The following SYNDIG1 variants were observed in gnomAD, a reference collection of about 807,000 sequenced individuals.
SYNDIG1 encodes the protein synapse differentiation-inducing gene protein 1.
A neutral mutation model predicts 19.4 loss-of-function variants in SYNDIG1; 9 were observed. That is an observed-to-expected ratio of 0.46 (90% confidence interval 0.28 to 0.81). SYNDIG1 has a LOEUF of 0.81. SYNDIG1 is among the 30% of genes least tolerant of loss of function. The pLI is 0.12. For synonymous variants in SYNDIG1, 141 were observed against 145.9 expected (o/e 0.97, Z 0.24); for missense variants, 311 against 343.3 (o/e 0.91, Z 0.74).
intron 1 of SYNDIG1, among the ~76,000 whole-genome samples, chr20:24,534,835 G>T (rs2057331045): frequency 6.6e-6 from 1 of 152,160 alleles, no homozygotes; most frequent in East Asian, 1.9e-4. Context: ...GTGTGGTAGG[G>T]GCTGGACACG....
chr20:24,536,077 A>G (rs573387854), intron 1 of SYNDIG1, among the ~76,000 whole-genome samples: 1 of 152,204 alleles, frequency 6.6e-6, no homozygotes, highest in Admixed American at 6.5e-5. Context: ...CATCATCAGA[A>G]CTGCAAGGAT....
At chr20:24,583,846 G>A (rs1332240778) in intron 2 of SYNDIG1, among the ~76,000 whole-genome samples, 9 of 152,142 alleles carry the variant, frequency 5.9e-5, no homozygotes, top group East Asian at 5.8e-4. Context: ...ACCCATGGAC[G>A]CAAAGAGAAG....
At chr20:24,502,540 G>A (rs141365061) in intron 1 of SYNDIG1, among the ~76,000 whole-genome samples, 9 of 152,302 alleles carry the variant, frequency 5.9e-5, no homozygotes, top group African/African-American at 2.2e-4. Flanking sequence ...CCTCACCCTT[G>A]AATCTTCCCT....
intron 1 of SYNDIG1, among the ~76,000 whole-genome samples, chr20:24,542,042 A>G (rs1322928368): frequency 5.3e-5 from 8 of 152,232 alleles, no homozygotes; most frequent in Non-Finnish European, 1.2e-4. Context: ...CAAAGGCAAT[A>G]TATATGACAA....
chr20:24,642,986 T>A (rs1432313044), intron 3 of SYNDIG1, among the ~76,000 whole-genome samples: 4 of 152,212 alleles, frequency 2.6e-5, no homozygotes, highest in African/African-American at 9.6e-5. Context: ...AAAACTGCAA[T>A]TACTTTTGCA....
chr20:24,475,140 G>C (rs2055581479), intron 1 of SYNDIG1, among the ~76,000 whole-genome samples: 1 of 152,186 alleles, frequency 6.6e-6, no homozygotes, highest in African/African-American at 2.4e-5. Flanking sequence ...ACATGTTGGT[G>C]GTACAGACCC....
At chr20:24,619,566 T>C (rs1366047680) in intron 3 of SYNDIG1, among the ~76,000 whole-genome samples, 1 of 152,254 alleles carries the variant, frequency 6.6e-6, no homozygotes, top group Non-Finnish European at 1.5e-5. Flanking sequence ...TTATGTGACA[T>C]AAACAAGAGC....
At chr20:24,635,063 G>A (rs1326793301) in intron 3 of SYNDIG1, among the ~76,000 whole-genome samples, 1 of 152,240 alleles carries the variant, frequency 6.6e-6, no homozygotes, top group South Asian at 2.1e-4. Flanking sequence ...CTGAGGGGGC[G>A]CAGCTGGGGA....
intron 2 of SYNDIG1, among the ~76,000 whole-genome samples, chr20:24,549,502 T>C (rs893056083): frequency 3.9e-5 from 6 of 152,202 alleles, no homozygotes; most frequent in African/African-American, 1.4e-4. Flanking sequence ...CTGTTGCTGC[T>C]CAAACCCCTT....
Position 24,658,008 on chromosome 20 carries a change from A to G in SYNDIG1, c.619-7338A>G, listed in dbSNP as rs1183083000. Among the ~76,000 whole-genome samples, 1 of 152,164 alleles carries G rather than the reference A, an allele frequency of 6.6e-6. No individual in the cohort carries two copies. The highest frequency in any genetic ancestry group is 2.4e-5 in the African/African-American group (1 of 41,436). ...CGGGAGGCAGGTGTCTGGCGAGGGC[A>G]TAACTGCTGAGGACCCCCAGCTGTG... On this transcript the variant is annotated intron_variant, in intron 3 of 3. Coordinates refer to ENST00000376862, the MANE Select transcript of SYNDIG1 (RefSeq NM_024893.3). The surrounding 1 kb of genome is among the most constrained non-coding windows in gnomAD (Gnocchi z 4.4).
At chr20:24,618,758 A>G (rs968471932) in intron 3 of SYNDIG1, among the ~76,000 whole-genome samples, 4 of 152,032 alleles carry the variant, frequency 2.6e-5, no homozygotes, top group Non-Finnish European at 5.9e-5. Context: ...CTTCTTTTGG[A>G]TGAGTCTCTT....
intron 3 of SYNDIG1, among the ~76,000 whole-genome samples, chr20:24,660,601 T>C (rs1335402385): frequency 3.3e-5 from 5 of 152,212 alleles, no homozygotes; most frequent in African/African-American, 9.6e-5. Flanking sequence ...GAGACAGAGA[T>C]GTCACAGCCA....
intron 2 of SYNDIG1, among the ~76,000 whole-genome samples, chr20:24,580,973 C>A (rs1369444870): frequency 6.6e-6 from 1 of 152,178 alleles, no homozygotes; most frequent in African/African-American, 2.4e-5. Flanking sequence ...ATCGGGAAAA[C>A]CTCACTGTTG....
intron 1 of SYNDIG1, among the ~76,000 whole-genome samples, chr20:24,540,768 G>A (rs1222116787): frequency 6.6e-6 from 1 of 152,084 alleles, no homozygotes; most frequent in Non-Finnish European, 1.5e-5. Flanking sequence ...CATGGTATAT[G>A]ATTCCTTTAA....
chr20:24,548,846 T>C (rs2057644625), intron 2 of SYNDIG1, among the ~76,000 whole-genome samples: 2 of 152,208 alleles, frequency 1.3e-5, no homozygotes, highest in Non-Finnish European at 2.9e-5. Context: ...TAGTTCTTTG[T>C]AGACACTCAT....
intron 2 of SYNDIG1, among the ~76,000 whole-genome samples, chr20:24,560,890 G>T (rs540368730): frequency 2.5e-4 from 37 of 150,250 alleles, no homozygotes; most frequent in African/African-American, 8.3e-4. Flanking sequence ...AAAAAAAAGT[G>T]TTGTTTTGGG....
intron 1 of SYNDIG1, among the ~76,000 whole-genome samples, chr20:24,471,927 TTTG>T (rs773719876): frequency 4.6e-5 from 7 of 152,220 alleles, no homozygotes; most frequent in Non-Finnish European, 7.3e-5. Context: ...ACAATTATAA[TTTG>T]TTAATATCTG....
chr20:24,617,149 G>T (rs1160007311), intron 3 of SYNDIG1, among the ~76,000 whole-genome samples: 1 of 152,236 alleles, frequency 6.6e-6, no homozygotes, highest in African/African-American at 2.4e-5. Flanking sequence ...AGAGGTGGCC[G>T]CCTGGGTGCT....
In SYNDIG1 at chr20:24,563,589, A is replaced by C. The variant is rs74786309; in HGVS notation, c.480+20012A>C. On this transcript the variant is annotated intron_variant, in intron 2 of 3. Coordinates refer to ENST00000376862, the MANE Select transcript of SYNDIG1 (RefSeq NM_024893.3). ...CACAGGGTTAAATTTCTTTCCTGTT[A>C]TATAAACTCCTAATTAAATTTATTT... Among the ~76,000 whole-genome samples the C allele has an allele frequency of 3.2e-3, 492 of 152,262 alleles. 4 individuals are homozygous for C. Among genetic ancestry groups the C allele is most frequent in the African/African-American group, 0.011 (465 of 41,548 alleles).
Sources: gnomAD v4.1 joint callset for allele counts (sites outside exome capture counted in the v4.1 genomes callset) on GRCh38, gnomAD v4.1.1 for gene constraint, Gnocchi (gnomAD v3.1) non-coding constraint, MANE v1.5 for transcripts, NCBI Gene and HGNC (gene_info 2026-07-23, HGNC 2026-07-21) for gene names.